The following RAB11FIP5 variants were observed in gnomAD, a reference collection of about 807,000 sequenced individuals.
RAB11FIP5 encodes rab11 family-interacting protein 5.
A neutral mutation model predicts 85.1 loss-of-function variants in RAB11FIP5; 48 were observed. That is an observed-to-expected ratio of 0.56 (90% CI 0.45 to 0.72). The LOEUF (loss-of-function observed/expected upper bound fraction) is 0.72. Among genes scored for constraint, RAB11FIP5 ranks in the 30% least tolerant of loss-of-function variants. The pLI is 0.00. For synonymous variants in RAB11FIP5, 729 were observed against 727.3 expected, an observed-to-expected ratio of 1.00 and a Z score of -0.04; for missense variants, 1,491 against 1,687.0, an observed-to-expected ratio of 0.88 and a Z score of 2.04.
chr2:73,097,670 TC>T (rs1684347917), intron 1 of RAB11FIP5, among the ~76,000 whole-genome samples: 1 of 152,080 alleles, frequency 6.6e-6, no homozygotes, highest in Non-Finnish European at 1.5e-5. Flanking sequence ...GCAAAGAGGA[TC>T]CCCACCCCAC....
chr2:73,108,758 G>A (rs1194639470), intron 1 of RAB11FIP5, among the ~76,000 whole-genome samples: 3 of 152,222 alleles, frequency 2.0e-5, no homozygotes, highest in Non-Finnish European at 4.4e-5. Context: ...TAAGAAGGAC[G>A]TTGGGCCAGG....
At position 73,089,880 on chromosome 2, in the gene RAB11FIP5, TATAC is replaced by T. The variant is rs1254516563; in HGVS notation, c.432-569_432-566del. 3.3e-4 allele frequency among the ~76,000 whole-genome samples: 27 copies of T among 82,838 alleles called. No homozygotes were observed. The highest frequency in any genetic ancestry group is 3.0e-3 in the Admixed American group (27 of 8,862). 54.3% of individuals were successfully genotyped at this position (82,838 alleles called of 152,430 possible). ...ATGCTAGTGCATACACTCATGTATG[TATAC>T]ACACACACACACACACACACACACA... On this transcript the variant is annotated intron_variant, in intron 1 of 5. Coordinates refer to ENST00000486777, the MANE Select transcript of RAB11FIP5 (RefSeq NM_001371272.1). This position sits in a 1 kb window ranked among gnomAD's most constrained non-coding sequence, Gnocchi z 4.6.
At chr2:73,093,925 T>C (rs1158668455) in intron 1 of RAB11FIP5, among the ~76,000 whole-genome samples, 1 of 152,118 alleles carries the variant, frequency 6.6e-6, no homozygotes, top group Non-Finnish European at 1.5e-5. Flanking sequence ...GTTTGAGACC[T>C]GCCTGGCCAA....
chr2:73,101,476 A>G (rs1684428327), intron 1 of RAB11FIP5, among the ~76,000 whole-genome samples: 2 of 152,186 alleles, frequency 1.3e-5, no homozygotes, highest in Admixed American at 1.3e-4. Context: ...TGAGGATGGC[A>G]TTAAGGTTAT....
intron 1 of RAB11FIP5, among the ~76,000 whole-genome samples, chr2:73,093,390 C>A (rs1388232379): frequency 1.3e-5 from 2 of 152,186 alleles, no homozygotes; most frequent in African/African-American, 4.8e-5. Context: ...CCCCAGGACC[C>A]CCTGGTGTTG....
chr2:73,089,882 TACACACACAC>T lies in RAB11FIP5; in HGVS notation c.432-577_432-568del, dbSNP rs58907775. On this transcript the variant is annotated intron_variant, in intron 1 of 5. Coordinates refer to ENST00000486777, the MANE Select transcript of RAB11FIP5 (RefSeq NM_001371272.1). This position sits in a 1 kb window ranked among gnomAD's most constrained non-coding sequence, Gnocchi z 4.6. ...GCTAGTGCATACACTCATGTATGTA[TACACACACAC>T]ACACACACACACACACACACACACC... Among the ~76,000 whole-genome samples the T allele has an allele frequency of 0.23, 34,276 of 148,128 alleles. 5,240 individuals carry two copies. Among genetic ancestry groups the T allele is most frequent in the African/African-American group, 0.43 (17,124 of 40,226 alleles).
rs1683780064 is a variant in RAB11FIP5, at chr2:73,073,566, C to A, written c.*1955G>T. 2 of 152,352 alleles carry A rather than the reference C, an allele frequency of 1.3e-5. 1 individual carries two copies. The highest frequency in any genetic ancestry group is 4.1e-4 in the South Asian group (2 of 4,832). 9.4% of individuals were successfully genotyped at this position (152,352 alleles called of 1,614,324 possible). On this transcript the variant is annotated 3_prime_UTR_variant, in exon 6 of 6. Transcript: ENST00000486777. Reference sequence around the variant, plus strand: ...AAACATCAACAAGGACCCTGGGCTTCGATTCAAAAACTCCTCTGAAGCCAT... The same window carrying A: ...AAACATCAACAAGGACCCTGGGCTTAGATTCAAAAACTCCTCTGAAGCCAT...
At chr2:73,111,765 C>T (rs1418578285) in intron 1 of RAB11FIP5, among the ~76,000 whole-genome samples, 2 of 152,100 alleles carry the variant, frequency 1.3e-5, no homozygotes, top group African/African-American at 4.8e-5. Flanking sequence ...CACAGAGGGA[C>T]AGGATGGGGG....
intron 1 of RAB11FIP5, among the ~76,000 whole-genome samples, chr2:73,100,830 A>T (rs1306319468): frequency 6.6e-6 from 1 of 150,626 alleles, no homozygotes; most frequent in African/African-American, 2.4e-5. Context: ...TTTGAGACGG[A>T]GTCTCGTTCT....
At chr2:73,099,695 C>T (rs1490478286) in intron 1 of RAB11FIP5, among the ~76,000 whole-genome samples, 1 of 152,224 alleles carries the variant, frequency 6.6e-6, no homozygotes, top group African/African-American at 2.4e-5. Context: ...CAGCCACATG[C>T]ACCTGCTAGC....
chr2:73,087,851 T>C (rs1443642352), intron 3 of RAB11FIP5, among the ~76,000 whole-genome samples, 199 bp downstream of exon 3: 1 of 152,162 alleles, frequency 6.6e-6, no homozygotes, highest in East Asian at 1.9e-4. Context: ...CAGAGCACTA[T>C]GCCCTCGTAA....
chr2:73,085,117 A>AT, intron 3 of RAB11FIP5, among the ~76,000 whole-genome samples: 1 of 152,148 alleles, frequency 6.6e-6, no homozygotes, highest in South Asian at 2.1e-4. Context: ...GGCTGCACTA[A>AT]CTCCAAGCCA....
Position 73,088,325 on chromosome 2 carries a change from G to A in RAB11FIP5, c.1293C>T (p.Gly431=), listed in dbSNP as rs753117895. ...TGGGTGTGGCAACCTGGACTGGCTT[G>A]CCCTCTGGTAGCCGGGCCCCCTCCT... ...GEEEGARLPE[G]KPVQVATPIV... is the part of the protein sequence containing the mutation. The change falls in exon 3 of 6, where the codon GGC becomes GGT. Residue 431 remains glycine (G), a synonymous_variant. Transcript: ENST00000486777. 1.9e-6 allele frequency: 3 copies of A among 1,613,340 alleles called. No homozygotes were observed. The East Asian group carries it at 6.7e-5, about 36-fold the overall frequency.
intron 1 of RAB11FIP5, among the ~76,000 whole-genome samples, chr2:73,094,046 G>C (rs1168213155): frequency 1.3e-5 from 2 of 151,036 alleles, no homozygotes; most frequent in Non-Finnish European, 2.9e-5. Flanking sequence ...ACTTGAACCT[G>C]GGAAGCGGAA....
In RAB11FIP5 at chr2:73,112,534, G is replaced by T; in HGVS notation, c.244C>A (p.Leu82Met). The T allele has an allele frequency of 6.5e-7, 1 of 1,531,538 alleles. No individual in the cohort carries two copies. Among genetic ancestry groups the T allele is most frequent in the Non-Finnish European group, 8.8e-7 (1 of 1,140,690 alleles). 94.9% of individuals were successfully genotyped at this position (1,531,538 alleles called of 1,614,324 possible). A position where few individuals can be genotyped will look rare whatever the true frequency, so the allele number is the denominator to read the frequency against. ...TCCTGCGCCCGCAGCAGGCCATCCAGGGCCCCCGGCGGCAGCTCGAAGGAG... is the reference window on the plus strand; with the variant it reads ...TCCTGCGCCCGCAGCAGGCCATCCATGGCCCCCGGCGGCAGCTCGAAGGAG... ...ECSFELPPGA[L>M]DGLLRAQEAD... Residue 82 changes from leucine (L) to methionine (M), a missense_variant, in exon 1 of 6, where the codon CTG becomes ATG. Physicochemically the swap from Leu to Met is conservative, Grantham distance 15. This residue lies in a region of RAB11FIP5 where 1,211 missense variants were observed against 1,338.0 expected (regional missense o/e 0.91). Transcript: ENST00000486777.
chr2:73,089,039 G>A lies in RAB11FIP5; in HGVS notation c.708C>T (p.Leu236=), dbSNP rs1406458376. Reference sequence around the variant, plus strand: ...GGGACGACTTGCGCAGCTTGTTGCGGAGGAAGAAGCCTTTGGCTTTGCCCA... The same window carrying A: ...GGGACGACTTGCGCAGCTTGTTGCGAAGGAAGAAGCCTTTGGCTTTGCCCA... ...GKMGKAKGFF[L]RNKLRKSSLT... is the part of the protein sequence containing the mutation. The change falls in exon 2 of 6, where the codon CTC becomes CTT. Residue 236 remains leucine, a synonymous_variant. Coordinates refer to ENST00000486777, the MANE Select transcript of RAB11FIP5 (RefSeq NM_001371272.1). The surrounding 1 kb of genome is among the most constrained non-coding windows in gnomAD (Gnocchi z 4.6). The A allele has an allele frequency of 2.5e-6, 4 of 1,614,220 alleles. No individual in the cohort carries two copies. The South Asian group carries it at 3.3e-5, about 13-fold the overall frequency.
intron 1 of RAB11FIP5, among the ~76,000 whole-genome samples, chr2:73,097,653 C>T (rs1340581485): frequency 1.3e-5 from 2 of 152,086 alleles, no homozygotes; most frequent in Admixed American, 1.3e-4. Flanking sequence ...GCTGGAGCTC[C>T]CAAAGAGCAA....
At chr2:73,098,866 T>A (rs946080113) in intron 1 of RAB11FIP5, among the ~76,000 whole-genome samples, 1 of 152,200 alleles carries the variant, frequency 6.6e-6, no homozygotes, top group Non-Finnish European at 1.5e-5. Context: ...TATACGCTTG[T>A]CACCAAGAGA....
intron 3 of RAB11FIP5, among the ~76,000 whole-genome samples, chr2:73,082,771 C>T (rs981249466): frequency 1.3e-5 from 2 of 152,198 alleles, no homozygotes; most frequent in East Asian, 1.9e-4. Context: ...CTGGGGGAAA[C>T]GCCCCCTGCA....
Sources: allele counts gnomAD v4.1 joint callset (sites outside exome capture counted in the v4.1 genomes callset), GRCh38; gene constraint gnomAD v4.1.1; regional missense constraint gnomAD v4.1.1; non-coding constraint Gnocchi (gnomAD v3.1); transcripts MANE v1.5; gene names NCBI Gene and HGNC (gene_info 2026-07-23, HGNC 2026-07-21).